OSBPL10: variants seen among roughly 807,000 people sequenced by gnomAD.
The protein encoded by OSBPL10 is oxysterol binding protein like 10, also known as oxysterol-binding protein-related protein 10.
OSBPL10 carries 49 observed loss-of-function variants against 81.7 expected under a neutral mutation model. That is an observed-to-expected ratio of 0.60 (90% CI 0.48 to 0.76). The LOEUF (loss-of-function observed/expected upper bound fraction) is 0.76. Ranked by LOEUF, OSBPL10 falls within the 30% of genes least tolerant of loss-of-function variation. The pLI, the probability that OSBPL10 is intolerant of heterozygous loss-of-function variation, is 0.00. For synonymous variants in OSBPL10, 419 were observed against 383.6 expected (o/e 1.09, Z -1.08); for missense variants, 923 against 987.8 (o/e 0.93, Z 0.88).
At chr3:31,931,160 G>A (rs911029400) in intron 1 of OSBPL10, among the ~76,000 whole-genome samples, 1 of 151,646 alleles carries the variant, frequency 6.6e-6, no homozygotes, top group Non-Finnish European at 1.5e-5. Context: ...CCGAGAGACA[G>A]AAGGAAGGGG....
chr3:31,903,937 C>G (rs564769525), intron 1 of OSBPL10, among the ~76,000 whole-genome samples: 38 of 152,246 alleles, frequency 2.5e-4, no homozygotes, highest in African/African-American at 8.9e-4. Flanking sequence ...TCTACTAAAT[C>G]CAGTGAACAC....
chr3:31,947,578 A>C (rs1697739254), intron 1 of OSBPL10, among the ~76,000 whole-genome samples: 2 of 152,132 alleles, frequency 1.3e-5, no homozygotes, highest in South Asian at 4.1e-4. Context: ...CTGCGACAGC[A>C]CTGAGAAGGT....
chr3:32,015,253 G>A (rs572952270), intron 2 of OSBPL10, among the ~76,000 whole-genome samples: 2 of 152,064 alleles, frequency 1.3e-5, no homozygotes, highest in Non-Finnish European at 2.9e-5. Flanking sequence ...CAGAGATATA[G>A]ACCAATGGAA....
At chr3:31,688,263 C>G (rs1262761440) in intron 7 of OSBPL10, among the ~76,000 whole-genome samples, 1 of 136,116 alleles carries the variant, frequency 7.3e-6, no homozygotes, top group Non-Finnish European at 1.5e-5. Context: ...CCTCCCTGCA[C>G]AAATCTCTCT....
chr3:32,001,447 T>A (rs1699146421), intron 2 of OSBPL10, among the ~76,000 whole-genome samples: 1 of 152,206 alleles, frequency 6.6e-6, no homozygotes, highest in Admixed American at 6.5e-5. Flanking sequence ...CTCATTGTGT[T>A]AAATTAAAAT....
At chr3:31,920,615 G>C (rs1696886596) in intron 1 of OSBPL10, among the ~76,000 whole-genome samples, 1 of 152,212 alleles carries the variant, frequency 6.6e-6, no homozygotes, top group African/African-American at 2.4e-5. Context: ...TAGAGGCCAA[G>C]TGATATGGTT....
At chr3:31,800,231 G>A (rs923645252) in intron 4 of OSBPL10, among the ~76,000 whole-genome samples, 8 of 152,170 alleles carry the variant, frequency 5.3e-5, no homozygotes, top group South Asian at 2.1e-4. Flanking sequence ...CACCTCCTCC[G>A]CTGTCCTTTC....
intron 2 of OSBPL10, among the ~76,000 whole-genome samples, chr3:32,035,549 T>G (rs1699509092): frequency 1.9e-5 from 2 of 103,248 alleles, no homozygotes; most frequent in African/African-American, 7.7e-5. Context: ...TCAACAAGAG[T>G]GAAACTCTGT....
At chr3:31,833,697 ACGCACACG>A (rs368795906) in intron 3 of OSBPL10, among the ~76,000 whole-genome samples, 146 of 128,084 alleles carry the variant, frequency 1.1e-3, no homozygotes, top group East Asian at 5.8e-3. Context: ...AAACACGCAC[ACGCACACG>A]CACACACACA....
At chr3:31,948,940 A>G (rs1454409402) in intron 1 of OSBPL10, among the ~76,000 whole-genome samples, 1 of 152,226 alleles carries the variant, frequency 6.6e-6, no homozygotes, top group Non-Finnish European at 1.5e-5. Context: ...TAACTTTGTA[A>G]TAAAAGACTA....
intron 3 of OSBPL10, among the ~76,000 whole-genome samples, chr3:31,869,797 G>A (rs1366426580): frequency 1.3e-5 from 2 of 152,182 alleles, no homozygotes. Flanking sequence ...AAAAATGGAA[G>A]TAATACCACC....
intron 1 of OSBPL10, among the ~76,000 whole-genome samples, chr3:31,895,134 C>CT (rs10529845): frequency 0.19 from 23,392 of 124,828 alleles, 2,655 homozygotes; most frequent in East Asian, 0.26. Flanking sequence ...TCTCTGCGGC[C>CT]TTTTTTTTTT....
At chr3:31,689,899 C>T (rs545474370) in intron 7 of OSBPL10, among the ~76,000 whole-genome samples, 1 of 152,136 alleles carries the variant, frequency 6.6e-6, no homozygotes, top group South Asian at 2.1e-4. Context: ...ATGTGTTACA[C>T]ACACATATAC....
chr3:31,798,551 G>A (rs1162433138), intron 4 of OSBPL10, among the ~76,000 whole-genome samples: 1 of 151,846 alleles, frequency 6.6e-6, no homozygotes, highest in Non-Finnish European at 1.5e-5. Context: ...TTGGATATGA[G>A]TTAAATAAAA....
At chr3:31,735,626 T>C (rs1697130721) in intron 5 of OSBPL10, among the ~76,000 whole-genome samples, 1 of 152,184 alleles carries the variant, frequency 6.6e-6, no homozygotes, top group Non-Finnish European at 1.5e-5. Context: ...ATGACAGTCT[T>C]AGAGTGTTTG....
intron 4 of OSBPL10, among the ~76,000 whole-genome samples, chr3:31,807,782 T>C (rs893522044): frequency 6.6e-6 from 1 of 152,090 alleles, no homozygotes; most frequent in Non-Finnish European, 1.5e-5. Flanking sequence ...CATGGTGTTA[T>C]GGAGCAGAAC....
intron 4 of OSBPL10, among the ~76,000 whole-genome samples, chr3:31,804,306 A>G (rs1438241729): frequency 6.6e-6 from 1 of 152,208 alleles, no homozygotes; most frequent in Non-Finnish European, 1.5e-5. Context: ...AATCCTGATA[A>G]TAATTCTGAT....
intron 7 of OSBPL10, among the ~76,000 whole-genome samples, chr3:31,689,695 T>C (rs528857796): frequency 6.6e-6 from 1 of 152,296 alleles, no homozygotes; most frequent in East Asian, 1.9e-4. Flanking sequence ...GATGGTTTTA[T>C]AAAGAGGAGT....
intron 1 of OSBPL10, among the ~76,000 whole-genome samples, chr3:31,880,863 G>T (rs1399172335): frequency 6.6e-6 from 1 of 152,164 alleles, no homozygotes; most frequent in Non-Finnish European, 1.5e-5. Context: ...CAAATGCATA[G>T]ATCAGTTGGA....
Sources: gnomAD v4.1 joint callset for allele counts (sites outside exome capture counted in the v4.1 genomes callset) on GRCh38, gnomAD v4.1.1 for gene constraint, MANE v1.5 for transcripts, NCBI Gene and HGNC (gene_info 2026-07-23, HGNC 2026-07-21) for gene names.